PARL: variants seen among roughly 807,000 people sequenced by gnomAD.
PARL encodes presenilin-associated rhomboid-like protein, mitochondrial.
Under a neutral mutation model 51.6 loss-of-function variants are expected in PARL, and 44 were observed. That is an observed-to-expected ratio of 0.85 (90% CI 0.67 to 1.10). The LOEUF is 1.10. Ranked by LOEUF, PARL falls within the 50% of genes least tolerant of loss-of-function variation. The pLI, the probability that PARL is intolerant of heterozygous loss-of-function variation, is 0.00. For synonymous variants in PARL, 172 were observed against 164.0 expected (o/e 1.05, Z -0.37); for missense variants, 441 against 469.5 (o/e 0.94, Z 0.56).
intron 6 of PARL, among the ~76,000 whole-genome samples, chr3:183,841,841 A>G (rs1729351299): frequency 6.6e-6 from 1 of 152,210 alleles, no homozygotes; most frequent in South Asian, 2.1e-4. Context: ...ATCATATTGT[A>G]TAGCTCTGAT....
intron 4 of PARL, among the ~76,000 whole-genome samples, chr3:183,850,451 G>C (rs148323995): frequency 6.6e-6 from 1 of 152,276 alleles, no homozygotes; most frequent in African/African-American, 2.4e-5. Context: ...AATGTAATAT[G>C]ATCTCTCTGT....
At chr3:183,866,919 T>C (rs928514469) in intron 2 of PARL, 154 bp from the exon 3 acceptor site, 1 of 171,924 alleles carries the variant, frequency 5.8e-6, no homozygotes, top group African/African-American at 2.4e-5. Flanking sequence ...AAGGGCTTTT[T>C]TTTTTCTTTT....
At chr3:183,829,902 C>A (rs1000332384) in intron 9 of PARL, among the ~76,000 whole-genome samples, 193 bp from the exon 10 acceptor site, 1 of 152,192 alleles carries the variant, frequency 6.6e-6, no homozygotes, top group Admixed American at 6.5e-5. Flanking sequence ...TAGGATGGGA[C>A]GATGGCTGAA....
At chr3:183,865,456 C>A (rs1437035006) in intron 3 of PARL, among the ~76,000 whole-genome samples, 2 of 152,190 alleles carry the variant, frequency 1.3e-5, no homozygotes, top group Non-Finnish European at 2.9e-5. Context: ...GGAACTGGGC[C>A]ACACAGCAGG....
At chr3:183,877,983 G>A (rs2108713524) in intron 1 of PARL, among the ~76,000 whole-genome samples, 1 of 152,166 alleles carries the variant, frequency 6.6e-6, no homozygotes, top group African/African-American at 2.4e-5. Context: ...TAGAGATGGG[G>A]TTTCATCATA....
At position 183,867,901 on chromosome 3, in the gene PARL, T is replaced by C. The variant is rs369205896; in HGVS notation, c.285A>G (p.Ile95Met). 3.1e-6 allele frequency: 5 copies of C among 1,613,698 alleles called. No individual in the cohort carries two copies. Among genetic ancestry groups the C allele is most frequent in the African/African-American group, 1.3e-5 (1 of 74,888 alleles). Reference sequence around the variant, plus strand: ...AAAATAAAGGTTTTATGAGACTCCTTATAGGATAGGGAGAAGGATAAAAGA... The same window carrying C: ...AAAATAAAGGTTTTATGAGACTCCTCATAGGATAGGGAGAAGGATAAAAGA... ...ETVFYPSPYP[I>M]RSLIKPLFFT... is the part of the protein sequence containing the mutation. The change falls in exon 2 of 10, where the codon ATA becomes ATG. Residue 95 changes from isoleucine to methionine, a missense_variant. Coordinates refer to ENST00000317096, the MANE Select transcript of PARL (RefSeq NM_018622.7).
intron 4 of PARL, among the ~76,000 whole-genome samples, chr3:183,857,314 G>A (rs1031133872): frequency 6.6e-6 from 1 of 152,182 alleles, no homozygotes; most frequent in Non-Finnish European, 1.5e-5. Flanking sequence ...TCCAGGTGCT[G>A]GTTACATGGA....
At chr3:183,874,569 G>T (rs1027177282) in intron 1 of PARL, among the ~76,000 whole-genome samples, 4 of 151,798 alleles carry the variant, frequency 2.6e-5, no homozygotes, top group Admixed American at 2.6e-4. Flanking sequence ...CCACCACACC[G>T]AGCTGATTTT....
chr3:183,871,281 C>G (rs1243182151), intron 1 of PARL, among the ~76,000 whole-genome samples: 1 of 151,786 alleles, frequency 6.6e-6, no homozygotes, highest in Non-Finnish European at 1.5e-5. Flanking sequence ...GTACTATACT[C>G]AAAGTAAGGT....
intron 9 of PARL, among the ~76,000 whole-genome samples, chr3:183,833,038 G>A (rs551285987): frequency 1.2e-3 from 183 of 152,290 alleles, no homozygotes; most frequent in Non-Finnish European, 2.1e-3. Flanking sequence ...TGCAGTCACC[G>A]GCCTCTACTC....
chr3:183,861,491 G>A (rs1731823437), intron 4 of PARL, among the ~76,000 whole-genome samples: 1 of 152,130 alleles, frequency 6.6e-6, no homozygotes, highest in Admixed American at 6.5e-5. Context: ...AAAAAAGAAA[G>A]CACTTCCTAA....
intron 1 of PARL, chr3:183,883,510 T>C (rs887977054): frequency 1.2e-5 from 8 of 677,146 alleles, no homozygotes; most frequent in African/African-American, 1.9e-5. Context: ...CTTCAGGTGA[T>C]CCACCTGCCT....
At chr3:183,830,134 T>C (rs949759564) in intron 9 of PARL, among the ~76,000 whole-genome samples, 1 of 152,200 alleles carries the variant, frequency 6.6e-6, no homozygotes, top group Non-Finnish European at 1.5e-5. Flanking sequence ...TCAGGATGGC[T>C]ATCCCAGCTT....
At chr3:183,828,759 C>T (rs1727602238), downstream of PARL, among the ~76,000 whole-genome samples, 1 of 152,170 alleles carries the variant, frequency 6.6e-6, no homozygotes. Flanking sequence ...CAGGACAAAG[C>T]TGCAAGACTT....
At position 183,884,836 on chromosome 3, in the gene PARL, C is replaced by T; in HGVS notation, c.11G>A (p.Arg4Gln). Residue 4 changes from arginine (R) to glutamine (Q), a missense_variant, in exon 1 of 10, where the codon CGA becomes CAA. By Grantham distance (43) the Arg-to-Gln change is conservative (BLOSUM62 1). Coordinates refer to ENST00000317096, the MANE Select transcript of PARL (RefSeq NM_018622.7). MAW[R>Q]GWAQRGWGCG... ...GCCCCAGCCTCTCTGCGCCCAGCCT[C>T]GCCACGCCATCTTCCCAACCTCTGC... is the stretch of plus-strand genomic sequence containing the variant. The T allele has an allele frequency of 6.3e-7, 1 of 1,597,456 alleles. No individual in the cohort carries two copies. Among genetic ancestry groups the T allele is most frequent in the Non-Finnish European group, 8.5e-7 (1 of 1,179,386 alleles).
chr3:183,829,586 C>T lies in PARL; in HGVS notation c.*12G>A. 1.2e-6 allele frequency: 2 copies of T among 1,614,190 alleles called. No homozygotes were observed. The highest frequency in any genetic ancestry group is 2.2e-5 in the South Asian group (2 of 91,078). On this transcript the variant is annotated 3_prime_UTR_variant, in exon 10 of 10. Coordinates refer to ENST00000317096, the MANE Select transcript of PARL (RefSeq NM_018622.7). ...CAAGGACCAGATGCACCACTACTGTCCAATCCCAGTTTTACTTAGAGCCAC... is the reference window on the plus strand; with the variant it reads ...CAAGGACCAGATGCACCACTACTGTTCAATCCCAGTTTTACTTAGAGCCAC...
chr3:183,884,597 G>A, intron 1 of PARL, 125 bp downstream of exon 1: 1 of 898,012 alleles, frequency 1.1e-6, no homozygotes, highest in Non-Finnish European at 1.7e-6. Flanking sequence ...GAGAGAAGGG[G>A]CAGGTAAGGT....
At position 183,842,280 on chromosome 3, in the gene PARL, G is replaced by A. The variant is rs372410796; in HGVS notation, c.757+18C>T. 38 of 1,610,526 alleles carry A rather than the reference G, an allele frequency of 2.4e-5. No homozygotes were observed. The Middle Eastern group carries it at 6.6e-4, about 28-fold the overall frequency. On this transcript the variant is annotated intron_variant, in intron 6 of 9. Coordinates refer to ENST00000317096, the MANE Select transcript of PARL (RefSeq NM_018622.7). The stretch of plus-strand genomic sequence containing the variant: ...GAGTGCTTATACTCTCAAAGGCCCC[G>A]AGATTAAAGCATATTACCTGCAGAT...
chr3:183,840,698 T>C (rs1266797844), intron 6 of PARL, 58 bp from the exon 7 acceptor site: 3 of 906,032 alleles, frequency 3.3e-6, no homozygotes, highest in Non-Finnish European at 5.3e-6. Flanking sequence ...GTTTACTTTT[T>C]TTTTTCTTTT....
Sources: allele counts gnomAD v4.1 joint callset (sites outside exome capture counted in the v4.1 genomes callset), GRCh38; gene constraint gnomAD v4.1.1; transcripts MANE v1.5; gene names NCBI Gene and HGNC (gene_info 2026-07-23, HGNC 2026-07-21).